The following KCNIP4 variants were observed in gnomAD, a reference collection of about 807,000 sequenced individuals.
KCNIP4 encodes potassium voltage-gated channel interacting protein 4, also known as Kv channel-interacting protein 4.
In KCNIP4, 12 loss-of-function variants were observed where a neutral mutation model predicts 34.0. The ratio of observed to expected loss-of-function variants is 0.35; its 90% confidence interval spans 0.23 to 0.57. The LOEUF (loss-of-function observed/expected upper bound fraction) is 0.57. KCNIP4 is among the 20% of genes least tolerant of loss of function. KCNIP4 has a pLI of 0.83. For missense variants in KCNIP4, 238 were observed against 311.7 expected, an observed-to-expected ratio of 0.76 and a Z score of 1.78; for synonymous variants, 124 against 102.2, an observed-to-expected ratio of 1.21 and a Z score of -1.29.
chr4:20,930,759 AC>A (rs1205994921), intron 1 of KCNIP4, among the ~76,000 whole-genome samples: 2 of 152,114 alleles, frequency 1.3e-5, no homozygotes, highest in East Asian at 3.9e-4. Flanking sequence ...GAAAAGGTAT[AC>A]AACATTGCTA....
chr4:21,014,352 C>T (rs1357500048), intron 1 of KCNIP4, among the ~76,000 whole-genome samples: 1 of 152,188 alleles, frequency 6.6e-6, no homozygotes, highest in Non-Finnish European at 1.5e-5. Flanking sequence ...ATTCCCCCAA[C>T]ACTATTCATG....
chr4:20,801,681 G>A (rs1158460544), intron 3 of KCNIP4, among the ~76,000 whole-genome samples: 1 of 151,906 alleles, frequency 6.6e-6, no homozygotes, highest in Non-Finnish European at 1.5e-5. Context: ...AAAAAACATG[G>A]CAGATATACA....
intron 1 of KCNIP4, among the ~76,000 whole-genome samples, chr4:21,770,493 A>G (rs1051959480): frequency 1.4e-4 from 21 of 152,094 alleles, no homozygotes; most frequent in African/African-American, 5.1e-4. Flanking sequence ...GCTGGGTCAA[A>G]TGGTATTTCT....
At chr4:21,147,115 G>A (rs1025210767) in intron 1 of KCNIP4, among the ~76,000 whole-genome samples, 3 of 152,172 alleles carry the variant, frequency 2.0e-5, no homozygotes, top group Non-Finnish European at 4.4e-5. Flanking sequence ...CTCAGCCTAG[G>A]GAGTGCCTGG....
chr4:21,236,731 CG>C (rs1560201885), intron 1 of KCNIP4, among the ~76,000 whole-genome samples: 1 of 151,686 alleles, frequency 6.6e-6, no homozygotes, highest in Non-Finnish European at 1.5e-5. Context: ...ACATTCAGGC[CG>C]GGCGCGGTGG....
At chr4:21,555,254 C>A (rs1738917098) in intron 1 of KCNIP4, among the ~76,000 whole-genome samples, 1 of 152,158 alleles carries the variant, frequency 6.6e-6, no homozygotes, top group African/African-American at 2.4e-5. Context: ...ATCATCAATG[C>A]AGAGAGCTGC....
intron 1 of KCNIP4, among the ~76,000 whole-genome samples, chr4:21,013,214 G>A (rs1040930120): frequency 3.9e-5 from 6 of 152,160 alleles, no homozygotes; most frequent in African/African-American, 1.4e-4. Flanking sequence ...GCTATGAGGA[G>A]ACCACTCTGA....
chr4:21,578,057 C>T lies in KCNIP4; in HGVS notation c.61+370514G>A, dbSNP rs149998060. Reference sequence around the variant, plus strand: ...TGTGTAGATTATTAAGAGTTCAGGCCGGGCGCGGTGGCTCACGCCTGTAAT... The same window carrying T: ...TGTGTAGATTATTAAGAGTTCAGGCTGGGCGCGGTGGCTCACGCCTGTAAT... On this transcript the variant is annotated intron_variant, in intron 1 of 8. Transcript: ENST00000382152. Among the ~76,000 whole-genome samples, 990 of 151,500 alleles carry T rather than the reference C, an allele frequency of 6.5e-3. 20 individuals carry two copies. Among genetic ancestry groups the T allele is most frequent in the African/African-American group, 0.022 (920 of 41,252 alleles).
chr4:20,743,513 A>G (rs1751676817), intron 5 of KCNIP4, among the ~76,000 whole-genome samples: 1 of 152,352 alleles, frequency 6.6e-6, no homozygotes, highest in Admixed American at 6.5e-5. Flanking sequence ...GAAACAAGCA[A>G]TGGGGAAAGG....
intron 1 of KCNIP4, among the ~76,000 whole-genome samples, chr4:21,114,371 A>G (rs7688396): frequency 0.3 from 45,003 of 151,972 alleles, 7,445 homozygotes; most frequent in African/African-American, 0.45. Context: ...TACTGCCACT[A>G]ATTAGTCTGG....
At chr4:21,240,115 A>T (rs568069180) in intron 1 of KCNIP4, among the ~76,000 whole-genome samples, 1 of 151,302 alleles carries the variant, frequency 6.6e-6, no homozygotes, top group Non-Finnish European at 1.5e-5. Flanking sequence ...TTGGCAAACT[A>T]TCGCAAAGAC....
chr4:21,278,192 T>C (rs962142173), intron 1 of KCNIP4, among the ~76,000 whole-genome samples: 3 of 152,136 alleles, frequency 2.0e-5, no homozygotes, highest in African/African-American at 7.2e-5. Flanking sequence ...AAGAAAGAGG[T>C]AAAGATAATT....
chr4:21,524,275 T>C (rs1735788946), intron 1 of KCNIP4, among the ~76,000 whole-genome samples: 1 of 152,186 alleles, frequency 6.6e-6, no homozygotes, highest in Non-Finnish European at 1.5e-5. Context: ...TGAGCCCATT[T>C]GGCTCTCACA....
intron 1 of KCNIP4, among the ~76,000 whole-genome samples, chr4:21,479,871 A>T (rs1240754388): frequency 1.3e-5 from 2 of 151,998 alleles, no homozygotes; most frequent in East Asian, 1.9e-4. Context: ...GAAATTATCA[A>T]TAACAAAAAT....
At chr4:21,669,434 A>G (rs1422624566) in intron 1 of KCNIP4, among the ~76,000 whole-genome samples, 3 of 152,218 alleles carry the variant, frequency 2.0e-5, no homozygotes, top group Non-Finnish European at 2.9e-5. Flanking sequence ...TTCTTTAACT[A>G]ATTTACTGTA....
rs904448130 is a variant in KCNIP4, at chr4:21,612,816, T to C, written c.61+335755A>G. On this transcript the variant is annotated intron_variant, in intron 1 of 8. Transcript: ENST00000382152. ...TTGATAGAGGGTAAAGTAATCACAA[T>C]GCAATGTGTTAAGTGCAAGTTATAA... Among the ~76,000 whole-genome samples the C allele has an allele frequency of 2.0e-5, 3 of 152,166 alleles. No homozygotes were observed. In the East Asian group the frequency reaches 5.8e-4, roughly 29 times the overall value.
At chr4:21,685,959 G>A (rs1750775118) in intron 1 of KCNIP4, among the ~76,000 whole-genome samples, 1 of 152,210 alleles carries the variant, frequency 6.6e-6, no homozygotes. Context: ...AGTAGACACA[G>A]CATAAAACTG....
intron 1 of KCNIP4, among the ~76,000 whole-genome samples, chr4:20,914,456 C>T (rs1728617444): frequency 6.6e-6 from 1 of 152,262 alleles, no homozygotes; most frequent in Non-Finnish European, 1.5e-5. Context: ...AAATGGCCCT[C>T]ACCAGACACC....
intron 2 of KCNIP4, among the ~76,000 whole-genome samples, chr4:20,855,536 A>T (rs1354820470): frequency 6.6e-6 from 1 of 152,118 alleles, no homozygotes; most frequent in Non-Finnish European, 1.5e-5. Context: ...CCTCTTGCTA[A>T]CATCTGTTCC....
Sources: allele counts gnomAD v4.1 joint callset (sites outside exome capture counted in the v4.1 genomes callset), GRCh38; gene constraint gnomAD v4.1.1; transcripts MANE v1.5; gene names NCBI Gene and HGNC (gene_info 2026-07-23, HGNC 2026-07-21).